NFIL3: variants seen among roughly 807,000 people sequenced by gnomAD.
NFIL3 encodes nuclear factor interleukin-3-regulated protein.
Under a neutral mutation model 10.0 loss-of-function variants are expected in NFIL3, and 5 were observed. That is an observed-to-expected ratio of 0.50 (90% CI 0.26 to 1.06). NFIL3 has a LOEUF of 1.06. Among genes scored for constraint, NFIL3 ranks in the 50% least tolerant of loss-of-function variants. The probability of loss-of-function intolerance (pLI) is 0.13; values close to 1 mark genes in which losing one functional copy is unlikely to be tolerated. For missense variants in NFIL3, 436 were observed against 547.6 expected (o/e 0.80, Z 2.03); for synonymous variants, 202 against 206.5 (o/e 0.98, Z 0.19).
the NFIL3 span, among the ~76,000 whole-genome samples, chr9:91,477,112 T>A: frequency 6.6e-6 from 1 of 152,268 alleles, no homozygotes; most frequent in South Asian, 2.1e-4. Flanking sequence ...CTGCACTGGG[T>A]TCCCTGATTG....
At chr9:91,464,664 T>G in the NFIL3 span, among the ~76,000 whole-genome samples, 1 of 152,146 alleles carries the variant, frequency 6.6e-6, no homozygotes, top group Non-Finnish European at 1.5e-5. Flanking sequence ...TCCTTCTGCC[T>G]GAAGAGCTTA....
At chr9:91,418,334 C>G (rs908833657) in intron 1 of NFIL3, among the ~76,000 whole-genome samples, 2 of 152,178 alleles carry the variant, frequency 1.3e-5, no homozygotes, top group Non-Finnish European at 2.9e-5. Flanking sequence ...AGCAACTAAT[C>G]TGAAATCTTA....
the NFIL3 span, among the ~76,000 whole-genome samples, chr9:91,452,225 C>T: frequency 6.6e-6 from 1 of 152,168 alleles, no homozygotes. Flanking sequence ...CTCTCAGAAG[C>T]CTGCTACCAG....
the NFIL3 span, among the ~76,000 whole-genome samples, chr9:91,440,018 G>T: frequency 9.3e-3 from 1,412 of 152,222 alleles, 18 homozygotes; most frequent in African/African-American, 0.032. Flanking sequence ...TCAAGATGAT[G>T]CTTGCCTCAT....
the NFIL3 span, among the ~76,000 whole-genome samples, chr9:91,435,624 G>T: frequency 2.0e-5 from 3 of 152,204 alleles, no homozygotes; most frequent in African/African-American, 7.2e-5. Context: ...TGAAACTGAG[G>T]AGTGTAGGAA....
chr9:91,444,328 C>T, the NFIL3 span, among the ~76,000 whole-genome samples: 38,167 of 152,052 alleles, frequency 0.25, 5,673 homozygotes, highest in East Asian at 0.51. Context: ...AGATCATAAA[C>T]TGTTTTCCTG....
the NFIL3 span, among the ~76,000 whole-genome samples, chr9:91,448,482 T>C: frequency 6.6e-6 from 1 of 152,180 alleles, no homozygotes; most frequent in African/African-American, 2.4e-5. Flanking sequence ...CAGCAAGAAC[T>C]CACCTCTGAT....
chr9:91,482,211 T>C, the NFIL3 span, among the ~76,000 whole-genome samples: 1 of 152,156 alleles, frequency 6.6e-6, no homozygotes. Flanking sequence ...ATTGCAACAC[T>C]TTTTGGCCTG....
chr9:91,470,168 T>C, the NFIL3 span, among the ~76,000 whole-genome samples: 2 of 152,062 alleles, frequency 1.3e-5, no homozygotes, highest in African/African-American at 4.8e-5. Context: ...TCCTGGACTT[T>C]TTTTGGTTGG....
At chr9:91,463,645 G>A in the NFIL3 span, among the ~76,000 whole-genome samples, 1 of 152,036 alleles carries the variant, frequency 6.6e-6, no homozygotes, top group Non-Finnish European at 1.5e-5. Context: ...CTGCTGTTGG[G>A]CGAAGACTTT....
chr9:91,442,136 A>G, the NFIL3 span, among the ~76,000 whole-genome samples: 3 of 152,034 alleles, frequency 2.0e-5, no homozygotes, highest in Non-Finnish European at 2.9e-5. Flanking sequence ...GATAGTGGTG[A>G]TGAGTTCCCT....
At chr9:91,420,520 CA>C (rs1833742624) in intron 1 of NFIL3, among the ~76,000 whole-genome samples, 1 of 152,124 alleles carries the variant, frequency 6.6e-6, no homozygotes, top group African/African-American at 2.4e-5. Context: ...TGGAAGATAA[CA>C]AGCTGGGGCC....
At chr9:91,453,582 G>A in the NFIL3 span, among the ~76,000 whole-genome samples, 7 of 152,020 alleles carry the variant, frequency 4.6e-5, no homozygotes, top group South Asian at 1.5e-3. Flanking sequence ...TTTTTCTCCT[G>A]TGGGTATACT....
intron 1 of NFIL3, among the ~76,000 whole-genome samples, chr9:91,413,608 G>A (rs1223367866): frequency 1.3e-5 from 2 of 152,130 alleles, no homozygotes; most frequent in South Asian, 2.1e-4. Flanking sequence ...TGAAAACCCA[G>A]TTTCCTTTAC....
chr9:91,482,462 A>ATGG, the NFIL3 span, among the ~76,000 whole-genome samples: 3 of 143,522 alleles, frequency 2.1e-5, no homozygotes, highest in Admixed American at 6.8e-5. Flanking sequence ...GATGATGATG[A>ATGG]TGGTGATTTT....
chr9:91,477,491 G>C, the NFIL3 span, among the ~76,000 whole-genome samples: 1 of 152,154 alleles, frequency 6.6e-6, no homozygotes, highest in Non-Finnish European at 1.5e-5. Context: ...AACCTAGAGG[G>C]AGGCCAGGGA....
At chr9:91,456,921 T>G in the NFIL3 span, among the ~76,000 whole-genome samples, 47 of 152,060 alleles carry the variant, frequency 3.1e-4, no homozygotes, top group African/African-American at 1.1e-3. Context: ...TTTGGGTTTT[T>G]GTATTGTTTT....
rs541878224 is a variant in NFIL3 at position 91,409,271 on chromosome 9, T to A, written c.*75A>T. 7.2e-7 allele frequency: 1 copy of A among 1,394,658 alleles called. No homozygotes were observed. Among genetic ancestry groups the A allele is most frequent in the African/African-American group, 1.4e-5 (1 of 69,478 alleles). The allele number at this position is 1,394,658 out of a possible 1,614,324, so 86.4% of individuals were successfully genotyped here. ...ATGACATCACAGGTCCAGTGAAAATTCAGCATAATACAAAATGGACTGCTC... is the reference window on the plus strand; with the variant it reads ...ATGACATCACAGGTCCAGTGAAAATACAGCATAATACAAAATGGACTGCTC... On this transcript the variant is annotated 3_prime_UTR_variant, in exon 2 of 2. Coordinates refer to ENST00000297689, the MANE Select transcript of NFIL3 (RefSeq NM_005384.3).
intron 1 of NFIL3, among the ~76,000 whole-genome samples, chr9:91,417,850 A>C (rs990302714): frequency 3.9e-5 from 6 of 152,214 alleles, no homozygotes; most frequent in African/African-American, 1.4e-4. Flanking sequence ...AATCTATTCT[A>C]TCATAGCAAC....
Sources: allele counts gnomAD v4.1 joint callset (sites outside exome capture counted in the v4.1 genomes callset), GRCh38; gene constraint gnomAD v4.1.1; transcripts MANE v1.5; gene names NCBI Gene and HGNC (gene_info 2026-07-23, HGNC 2026-07-21).